Variants in AMPH observed in about 807,000 individuals in gnomAD.
AMPH encodes amphiphysin.
AMPH carries 49 observed loss-of-function variants against 99.1 expected under a neutral mutation model. The observed-to-expected ratio is 0.49, with a 90% confidence interval of 0.39 to 0.63. The LOEUF (loss-of-function observed/expected upper bound fraction) is 0.63. Among genes scored for constraint, AMPH ranks in the 20% least tolerant of loss-of-function variants. AMPH has a pLI of 0.00. For synonymous variants in AMPH, 314 were observed against 317.3 expected (o/e 0.99, Z 0.11); for missense variants, 759 against 863.4 (o/e 0.88, Z 1.52).
Position 38,436,371 on chromosome 7 carries a change from C to T in AMPH, c.1035G>A (p.Val345=). ...GATCCAGCAAAGTCTCCTCTTTCTT[C>T]ACCTCAGGGACTTCATTCTGTTAAA... The part of the protein sequence containing the change: ...TTPSQNEVPE[V]KKEETLLDLD... The change falls in exon 12 of 21, where the codon GTG becomes GTA. Residue 345 remains valine, a synonymous_variant. Coordinates refer to ENST00000356264, the MANE Select transcript of AMPH (RefSeq NM_001635.4). 15 of 1,614,090 alleles carry T rather than the reference C, an allele frequency of 9.3e-6. No homozygotes were observed. Among genetic ancestry groups the T allele is most frequent in the Non-Finnish European group, 1.2e-5 (14 of 1,179,938 alleles).
At chr7:38,528,438 C>A (rs533098654) in intron 2 of AMPH, among the ~76,000 whole-genome samples, 2 of 152,074 alleles carry the variant, frequency 1.3e-5, no homozygotes, top group African/African-American at 2.4e-5. Flanking sequence ...TTCAAATTGT[C>A]TATTTCACCT....
intron 11 of AMPH, among the ~76,000 whole-genome samples, chr7:38,446,932 T>C (rs947469321): frequency 2.0e-5 from 3 of 152,196 alleles, no homozygotes; most frequent in African/African-American, 7.2e-5. Context: ...ATGGAAATAC[T>C]TTTGTTATAT....
chr7:38,490,976 T>G (rs1162791735), intron 5 of AMPH, 74 bp downstream of exon 5: 2 of 939,506 alleles, frequency 2.1e-6, no homozygotes, highest in East Asian at 5.1e-5. Context: ...TTGTAATAAT[T>G]CTTCTCTTGC....
intron 20 of AMPH, among the ~76,000 whole-genome samples, chr7:38,386,561 A>C (rs955914608): frequency 2.0e-5 from 3 of 152,346 alleles, no homozygotes; most frequent in Non-Finnish European, 4.4e-5. Flanking sequence ...TGGTAGAAAA[A>C]GATTTCCTGT....
chr7:38,553,212 T>C (rs1791239398), intron 1 of AMPH, among the ~76,000 whole-genome samples: 1 of 152,262 alleles, frequency 6.6e-6, no homozygotes, highest in South Asian at 2.1e-4. Flanking sequence ...TATAGCTTCA[T>C]GCTATTGTTA....
intron 20 of AMPH, among the ~76,000 whole-genome samples, chr7:38,386,677 C>G (rs529237259): frequency 6.6e-6 from 1 of 152,108 alleles, no homozygotes; most frequent in South Asian, 2.1e-4. Flanking sequence ...TACACATATG[C>G]AACTATTTAT....
chr7:38,481,955 TC>T (rs1788299196), intron 5 of AMPH, among the ~76,000 whole-genome samples: 1 of 152,034 alleles, frequency 6.6e-6, no homozygotes, highest in Non-Finnish European at 1.5e-5. Flanking sequence ...AGTGATGGAG[TC>T]TATATCTACT....
chr7:38,501,464 T>G (rs1439972765), intron 3 of AMPH, among the ~76,000 whole-genome samples: 2 of 152,138 alleles, frequency 1.3e-5, no homozygotes, highest in East Asian at 3.9e-4. Flanking sequence ...GGATTAAAGG[T>G]GGTGTGAGCC....
intron 17 of AMPH, among the ~76,000 whole-genome samples, chr7:38,413,424 C>A (rs989101841): frequency 1.3e-5 from 2 of 152,006 alleles, no homozygotes; most frequent in African/African-American, 2.4e-5. Context: ...TTTAAGAAAT[C>A]AAACTGCAGC....
chr7:38,454,615 T>C (rs952488290), intron 11 of AMPH, among the ~76,000 whole-genome samples: 1 of 152,106 alleles, frequency 6.6e-6, no homozygotes, highest in African/African-American at 2.4e-5. Flanking sequence ...CCAGGTATAT[T>C]CAAAATCAGT....
chr7:38,535,998 T>C (rs1024102368), intron 1 of AMPH, among the ~76,000 whole-genome samples: 9 of 152,242 alleles, frequency 5.9e-5, no homozygotes, highest in Admixed American at 3.3e-4. Context: ...CATCTTCTGA[T>C]ACTCCCTTCA....
At chr7:38,399,043 GATAA>G (rs1784770979) in intron 17 of AMPH, among the ~76,000 whole-genome samples, 1 of 152,080 alleles carries the variant, frequency 6.6e-6, no homozygotes, top group African/African-American at 2.4e-5. Flanking sequence ...TTTTAAGAAT[GATAA>G]ATAAATATCA....
intron 2 of AMPH, among the ~76,000 whole-genome samples, chr7:38,526,570 C>T (rs547865197): frequency 3.3e-5 from 5 of 151,744 alleles, no homozygotes; most frequent in African/African-American, 1.2e-4. Context: ...GCCACTGCAC[C>T]CGGCCTCTAT....
chr7:38,493,518 G>A (rs956346897), intron 4 of AMPH, among the ~76,000 whole-genome samples: 8 of 151,980 alleles, frequency 5.3e-5, no homozygotes, highest in African/African-American at 1.5e-4. Flanking sequence ...CTGGTCCAAC[G>A]TCACACAGCG....
intron 1 of AMPH, among the ~76,000 whole-genome samples, chr7:38,618,347 CAA>C (rs746487712): frequency 6.1e-5 from 7 of 115,244 alleles, no homozygotes; most frequent in Non-Finnish European, 3.7e-5. Flanking sequence ...CCCATCTCTA[CAA>C]AAAAAAAAAA....
In AMPH at chr7:38,476,961, G is replaced by A. The variant is rs199508672; in HGVS notation, c.405C>T (p.Ile135=). The A allele has an allele frequency of 3.0e-5, 49 of 1,613,446 alleles. No individual in the cohort carries two copies. Among genetic ancestry groups the A allele is most frequent in the Non-Finnish European group, 3.6e-5 (43 of 1,179,702 alleles). The change falls in exon 6 of 21, where the codon ATC becomes ATT. Residue 135 remains isoleucine (I), a synonymous_variant. Transcript: ENST00000356264. The stretch of plus-strand genomic sequence containing the variant: ...CCACTAGCTTCCTGCTGCGCTTGGC[G>A]ATGCGATTCTGTCAACAGGAAATGC... The part of the protein sequence containing the change: ...LGQFPDIKNR[I]AKRSRKLVDY...
chr7:38,596,751 T>A (rs1335788336), intron 1 of AMPH, among the ~76,000 whole-genome samples: 1 of 152,170 alleles, frequency 6.6e-6, no homozygotes, highest in Non-Finnish European at 1.5e-5. Context: ...CACTCCCACA[T>A]GACAAATCTC....
At chr7:38,394,237 C>T (rs763758442) in intron 17 of AMPH, 23 bp from the exon 18 acceptor site, 2 of 1,612,698 alleles carry the variant, frequency 1.2e-6, no homozygotes, top group Non-Finnish European at 1.7e-6. Flanking sequence ...AACCAGCAGG[C>T]CACGTCTGCA....
intron 2 of AMPH, among the ~76,000 whole-genome samples, chr7:38,514,518 G>A (rs779845350): frequency 7.9e-5 from 12 of 152,160 alleles, no homozygotes; most frequent in African/African-American, 1.4e-4. Flanking sequence ...TTTAATTGCC[G>A]TTGTAACAGT....
Sources: allele counts gnomAD v4.1 joint callset (sites outside exome capture counted in the v4.1 genomes callset), GRCh38; gene constraint gnomAD v4.1.1; transcripts MANE v1.5; gene names NCBI Gene and HGNC (gene_info 2026-07-23, HGNC 2026-07-21).